NF1: variants seen among roughly 807,000 people sequenced by gnomAD.
The protein encoded by NF1 is neurofibromin.
A neutral mutation model predicts 325.7 loss-of-function variants in NF1; 122 were observed. The observed-to-expected ratio is 0.37, with a 90% confidence interval of 0.32 to 0.44. The LOEUF (loss-of-function observed/expected upper bound fraction) is 0.44, where lower values mean the gene tolerates loss of function less well. NF1 is among the 20% of genes least tolerant of loss of function. The pLI is 1.00. For synonymous variants in NF1, 1,091 were observed against 1,186.0 expected, an observed-to-expected ratio of 0.92 and a Z score of 1.65; for missense variants, 2,140 against 3,415.4, an observed-to-expected ratio of 0.63 and a Z score of 9.31.
intron 8 of NF1, among the ~76,000 whole-genome samples, chr17:31,184,931 A>G (rs1366766567): frequency 2.0e-5 from 3 of 152,200 alleles, no homozygotes; most frequent in African/African-American, 2.4e-5. Flanking sequence ...GGACCCTGCA[A>G]CTTGGAAAGG....
intron 1 of NF1, among the ~76,000 whole-genome samples, chr17:31,144,357 A>G (rs1916441722): frequency 6.6e-6 from 1 of 152,200 alleles, no homozygotes; most frequent in African/African-American, 2.4e-5. Flanking sequence ...AAATCAGATT[A>G]TGTCATTCCT....
chr17:31,184,659 AT>A lies in NF1; in HGVS notation c.888+1995del, dbSNP rs201480191. Among the ~76,000 whole-genome samples, 132 of 145,586 alleles carry A rather than the reference AT, an allele frequency of 9.1e-4. 9 individuals are homozygous for A. The highest frequency in any genetic ancestry group is 4.4e-3 in the East Asian group (22 of 5,030). On this transcript the variant is annotated intron_variant, in intron 8 of 57. Coordinates refer to ENST00000358273, the MANE Select transcript of NF1 (RefSeq NM_001042492.3). ...CGAGACTCCGTCTCAAAAAAAAAAA[AT>A]AAAAAAAAAAAATAAAAAAATAAAA...
At chr17:31,154,650 C>T (rs926799290) in intron 1 of NF1, among the ~76,000 whole-genome samples, 2 of 151,094 alleles carry the variant, frequency 1.3e-5, no homozygotes, top group African/African-American at 2.4e-5. Flanking sequence ...ATTAACATTA[C>T]GAAGTTCTGT....
At chr17:31,236,273 G>C (rs924940962) in intron 29 of NF1, among the ~76,000 whole-genome samples, 2 of 151,930 alleles carry the variant, frequency 1.3e-5, no homozygotes, top group Admixed American at 6.6e-5. Context: ...TCCAGAGACT[G>C]TTACTAGTTA....
intron 36 of NF1, among the ~76,000 whole-genome samples, chr17:31,323,714 C>CT (rs1341109016): frequency 1.3e-5 from 2 of 152,102 alleles, no homozygotes; most frequent in African/African-American, 4.8e-5. Flanking sequence ...GTTTCTTTTC[C>CT]TTTTTGCCTT....
chr17:31,181,211 T>A (rs1300027706), intron 5 of NF1, among the ~76,000 whole-genome samples: 1 of 152,196 alleles, frequency 6.6e-6, no homozygotes, highest in Non-Finnish European at 1.5e-5. Context: ...TCACAATCAT[T>A]GATGTCCAAG....
At chr17:31,371,700 T>A (rs1360373379) in intron 57 of NF1, among the ~76,000 whole-genome samples, 2 of 152,218 alleles carry the variant, frequency 1.3e-5, no homozygotes, top group Non-Finnish European at 2.9e-5. Flanking sequence ...AAAAAAGATT[T>A]GAATAGAACA....
intron 36 of NF1, chr17:31,296,061 C>A: frequency 1.9e-6 from 3 of 1,613,920 alleles, no homozygotes; most frequent in Non-Finnish European, 1.7e-6. Context: ...GGCAGGCTTT[C>A]AAGCCTGTTG....
At chr17:31,223,368 T>TG (rs1567845752) in intron 15 of NF1, 76 bp from the exon 16 acceptor site, 3 of 1,537,476 alleles carry the variant, frequency 2.0e-6, no homozygotes, top group Non-Finnish European at 2.7e-6. Flanking sequence ...TATGGGAGAA[T>TG]GCCATTCTTA....
In NF1 at chr17:31,327,494, TC is replaced by T; in HGVS notation, c.5269-3del. On this transcript the variant is annotated splice_polypyrimidine_tract_variant and splice_region_variant and intron_variant, in intron 37 of 57. Transcript: ENST00000358273. Reference sequence around the variant, plus strand: ...CCACTTCACCCCGTCACCACCACTTTCCAGGTTGGTTCTACTGCTGTCCAAG... The same window carrying T: ...CCACTTCACCCCGTCACCACCACTTTCAGGTTGGTTCTACTGCTGTCCAAG... 6.2e-7 allele frequency: 1 copy of T among 1,611,552 alleles called. No homozygotes were observed. Among genetic ancestry groups the T allele is most frequent in the Non-Finnish European group, 8.5e-7 (1 of 1,178,996 alleles).
chr17:31,243,386 G>A (rs910443376), intron 29 of NF1, among the ~76,000 whole-genome samples: 4 of 151,804 alleles, frequency 2.6e-5, no homozygotes, highest in South Asian at 2.1e-4. Flanking sequence ...CCAGGCTTGC[G>A]TCCTTTCGTT....
Position 31,128,116 on chromosome 17 carries a change from AT to A in NF1, c.61-27849del, listed in dbSNP as rs546185681. On this transcript the variant is annotated intron_variant, in intron 1 of 57. Coordinates refer to ENST00000358273, the MANE Select transcript of NF1 (RefSeq NM_001042492.3). ...GCCACCATGCCTGGCTGATTTTTGT[AT>A]TTTTTTTTTTTTTTTTTAGAGATGG... 6.3e-3 allele frequency among the ~76,000 whole-genome samples: 703 copies of A among 111,952 alleles called. 3 individuals carry two copies. Among genetic ancestry groups the A allele is most frequent in the South Asian group, 6.7e-3 (23 of 3,410 alleles). The allele number at this position is 111,952 out of a possible 152,430, so 73.4% of individuals were successfully genotyped here. A position where few individuals can be genotyped will look rare whatever the true frequency, so the allele number is the denominator to read the frequency against.
Position 31,377,633 on chromosome 17 carries a change from A to AC in NF1, c.*3484dup. 1 of 206,220 alleles carries AC rather than the reference A, an allele frequency of 4.8e-6. No individual in the cohort carries two copies. Among genetic ancestry groups the AC allele is most frequent in the Non-Finnish European group, 9.5e-6 (1 of 104,782 alleles). 12.8% of individuals were successfully genotyped at this position (206,220 alleles called of 1,614,324 possible). ...TCCTCCTTGTGTATGTACTTCCCCC[A>AC]CCCCCCTTTTTTTAAGTAAAATGTA... On this transcript the variant is annotated 3_prime_UTR_variant, in exon 58 of 58. Transcript: ENST00000358273.
At chr17:31,195,143 T>G (rs1477151139) in intron 8 of NF1, among the ~76,000 whole-genome samples, 1 of 152,106 alleles carries the variant, frequency 6.6e-6, no homozygotes, top group Non-Finnish European at 1.5e-5. Flanking sequence ...AAAAATAAAT[T>G]GACATAATGG....
intron 33 of NF1, among the ~76,000 whole-genome samples, chr17:31,259,776 G>T (rs1026114949): frequency 3.3e-5 from 5 of 152,152 alleles, no homozygotes; most frequent in Non-Finnish European, 5.9e-5. Context: ...TTTATGTCTG[G>T]AATTCTGCTT....
At chr17:31,108,218 T>C (rs1018261000) in intron 1 of NF1, among the ~76,000 whole-genome samples, 1 of 150,784 alleles carries the variant, frequency 6.6e-6, no homozygotes, top group East Asian at 1.9e-4. Flanking sequence ...AAAATGTTAA[T>C]TCACATGTTT....
At chr17:31,254,445 A>G (rs941444659) in intron 31 of NF1, among the ~76,000 whole-genome samples, 10 of 152,114 alleles carry the variant, frequency 6.6e-5, no homozygotes, top group African/African-American at 2.4e-4. Context: ...GATTATATTA[A>G]GTAAATTTGC....
At position 31,375,811 on chromosome 17, in the gene NF1, A is replaced by G. The variant is rs951279737; in HGVS notation, c.*1656A>G. On this transcript the variant is annotated 3_prime_UTR_variant, in exon 58 of 58. Coordinates refer to ENST00000358273, the MANE Select transcript of NF1 (RefSeq NM_001042492.3). ...AATGTAATATGTTAATGTAAATAAA[A>G]TTGGTTTTGATACTCAGAAATAACA... 14 of 232,362 alleles carry G rather than the reference A, an allele frequency of 6.0e-5. No homozygotes were observed. The highest frequency in any genetic ancestry group is 3.1e-4 in the African/African-American group (14 of 45,298). The allele number at this position is 232,362 out of a possible 1,614,324, so 14.4% of individuals were successfully genotyped here. A position where few individuals can be genotyped will look rare whatever the true frequency, so the allele number is the denominator to read the frequency against.
At chr17:31,185,064 T>C (rs1017054867) in intron 8 of NF1, among the ~76,000 whole-genome samples, 7 of 152,206 alleles carry the variant, frequency 4.6e-5, no homozygotes, top group Admixed American at 2.0e-4. Context: ...CCCTGAGCCA[T>C]GCTGCCATCA....
Sources: gnomAD v4.1 joint callset for allele counts (sites outside exome capture counted in the v4.1 genomes callset) on GRCh38, gnomAD v4.1.1 for gene constraint, MANE v1.5 for transcripts, NCBI Gene and HGNC (gene_info 2026-07-23, HGNC 2026-07-21) for gene names.